TSEN15: variants seen among roughly 807,000 people sequenced by gnomAD.
TSEN15 encodes tRNA-splicing endonuclease subunit Sen15.
TSEN15 carries 10 observed loss-of-function variants against 20.5 expected under a neutral mutation model. The ratio of observed to expected loss-of-function variants is 0.49; its 90% CI spans 0.30 to 0.83. The LOEUF (loss-of-function observed/expected upper bound fraction) is 0.83, where lower values mean the gene tolerates loss of function less well. Ranked by LOEUF, TSEN15 falls within the 40% of genes least tolerant of loss-of-function variation. TSEN15 has a pLI of 0.06. For missense variants in TSEN15, 180 were observed against 218.6 expected, an observed-to-expected ratio of 0.82 and a Z score of 1.11; for synonymous variants, 72 against 80.1, an observed-to-expected ratio of 0.90 and a Z score of 0.54.
chr1:184,071,070 T>A (rs1262861801), intron 3 of TSEN15: 1 of 152,244 alleles, frequency 6.6e-6, no homozygotes, highest in African/African-American at 2.4e-5. Context: ...CTTGACAGTT[T>A]ATGAAGTCTT....
chr1:184,094,039 G>A (rs1651404016), intron 3 of TSEN15: 1 of 152,056 alleles, frequency 6.6e-6, no homozygotes, highest in Non-Finnish European at 1.5e-5. Flanking sequence ...AAACTCATCT[G>A]GTTTCCAGAG....
chr1:184,072,055 G>T, intron 3 of TSEN15, 102 bp from the exon 4 acceptor site: 8 of 1,173,154 alleles, frequency 6.8e-6, no homozygotes, highest in Middle Eastern at 2.1e-4. Context: ...CTTCAGTTTG[G>T]TTTCTTGTGA....
chr1:184,089,881 C>T (rs1651327654), intron 3 of TSEN15, among the ~76,000 whole-genome samples: 1 of 152,098 alleles, frequency 6.6e-6, no homozygotes, highest in South Asian at 2.1e-4. Flanking sequence ...TCATGCTCCC[C>T]AGTCCTCCAC....
intron 3 of TSEN15, among the ~76,000 whole-genome samples, chr1:184,066,554 T>G (rs1650669470): frequency 6.6e-6 from 1 of 151,934 alleles, no homozygotes; most frequent in Non-Finnish European, 1.5e-5. Flanking sequence ...TACAGGCGCA[T>G]ACCACCACAC....
chr1:184,075,665 G>A (rs1215964195), downstream of TSEN15, among the ~76,000 whole-genome samples: 2 of 152,060 alleles, frequency 1.3e-5, no homozygotes. Flanking sequence ...ACTAAGAGTA[G>A]ATTAGCTGGA....
downstream of TSEN15, among the ~76,000 whole-genome samples, chr1:184,074,516 G>A (rs1291955380): frequency 2.6e-5 from 4 of 152,228 alleles, no homozygotes; most frequent in East Asian, 3.9e-4. Context: ...TCTTTGCCAC[G>A]TGGGCCTTCT....
chr1:184,077,861 T>C (rs1572719077), downstream of TSEN15, among the ~76,000 whole-genome samples: 1 of 152,210 alleles, frequency 6.6e-6, no homozygotes, highest in Non-Finnish European at 1.5e-5. Context: ...TTGTTTCTTA[T>C]GGATGAGCAA....
downstream of TSEN15, among the ~76,000 whole-genome samples, chr1:184,074,458 TGA>T (rs1651017420): frequency 6.6e-6 from 1 of 152,188 alleles, no homozygotes; most frequent in African/African-American, 2.4e-5. Flanking sequence ...TTCAATTTCT[TGA>T]GAGTGCTCAA....
At chr1:184,094,864 C>T (rs1033799895) in intron 3 of TSEN15, 3 of 395,088 alleles carry the variant, frequency 7.6e-6, no homozygotes, top group South Asian at 1.4e-4. Context: ...AGGTGGGTCA[C>T]CATCACTGAA....
intron 3 of TSEN15, among the ~76,000 whole-genome samples, chr1:184,057,020 T>A (rs1650273209): frequency 6.6e-6 from 1 of 152,162 alleles, no homozygotes; most frequent in Admixed American, 6.5e-5. Context: ...CCCTTGAGTG[T>A]GACCTGGACT....
intron 3 of TSEN15, among the ~76,000 whole-genome samples, chr1:184,065,234 C>T (rs1285153120): frequency 6.6e-6 from 1 of 151,918 alleles, no homozygotes; most frequent in African/African-American, 2.4e-5. Flanking sequence ...TTTAGATTTA[C>T]AGAAAAAATT....
At chr1:184,062,427 A>C (rs1409812) in intron 3 of TSEN15, among the ~76,000 whole-genome samples, 27,574 of 152,048 alleles carry the variant, frequency 0.18, 3,243 homozygotes, top group African/African-American at 0.31. Context: ...TTTAAAGATG[A>C]GACAACAAGA....
intron 3 of TSEN15, among the ~76,000 whole-genome samples, chr1:184,060,992 A>G (rs1650433427): frequency 6.6e-6 from 1 of 152,220 alleles, no homozygotes; most frequent in African/African-American, 2.4e-5. Flanking sequence ...GCCCCATCCC[A>G]ATCATAATCT....
chr1:184,083,436 T>C lies in TSEN15; in HGVS notation c.354-12254T>C, dbSNP rs138397430. 9.9e-3 allele frequency among the ~76,000 whole-genome samples: 1,516 copies of C among 152,362 alleles called. 33 individuals are homozygous for C. Among genetic ancestry groups the C allele is most frequent in the African/African-American group, 0.035 (1,454 of 41,578 alleles). ...TTACTTATTATTTGATTACACATCC[T>C]TTCCTATGCCAAACCTATGCATTTA... On this transcript the variant is annotated intron_variant, in intron 3 of 3. Transcript: ENST00000643231.
chr1:184,056,631 T>G (rs756142973), intron 3 of TSEN15, among the ~76,000 whole-genome samples: 2 of 152,176 alleles, frequency 1.3e-5, no homozygotes, highest in Non-Finnish European at 2.9e-5. Context: ...AATACTTATA[T>G]TTTCACTAAG....
intron 3 of TSEN15, among the ~76,000 whole-genome samples, chr1:184,066,352 C>A (rs571210592): frequency 6.6e-6 from 1 of 151,940 alleles, no homozygotes; most frequent in African/African-American, 2.4e-5. Context: ...ATTCCTTAAC[C>A]AATACCACAT....
rs904307997 is a variant in TSEN15 at position 184,072,668 on chromosome 1, T to C, written c.496-159T>C. ...AAGAAATGTTAAATTGGTTGACATT[T>C]TGACAGGAACATTTTAATAAGATAA... is the stretch of plus-strand genomic sequence containing the variant. On this transcript the variant is annotated intron_variant, in intron 4 of 4. Coordinates refer to ENST00000645668, the MANE Select transcript of TSEN15 (RefSeq NM_052965.4). The C allele has an allele frequency of 4.4e-6, 3 of 679,626 alleles. No homozygotes were observed. The African/African-American group carries it at 5.6e-5, about 13-fold the overall frequency. The allele number at this position is 679,626 out of a possible 1,614,324, so 42.1% of individuals were successfully genotyped here. A position where few individuals can be genotyped will look rare whatever the true frequency, so the allele number is the denominator to read the frequency against.
At chr1:184,074,618 C>T (rs1183627728), downstream of TSEN15, among the ~76,000 whole-genome samples, 1 of 152,146 alleles carries the variant, frequency 6.6e-6, no homozygotes, top group African/African-American at 2.4e-5. Context: ...ACATACATCC[C>T]ATCACCTTTG....
chr1:184,078,286 G>GT (rs1356634461), downstream of TSEN15, among the ~76,000 whole-genome samples: 1 of 152,046 alleles, frequency 6.6e-6, no homozygotes, highest in East Asian at 1.9e-4. Context: ...TGTGTGCATT[G>GT]TTTTTTAGAC....
Sources: allele counts gnomAD v4.1 joint callset (sites outside exome capture counted in the v4.1 genomes callset), GRCh38; gene constraint gnomAD v4.1.1; transcripts MANE v1.5; gene names NCBI Gene and HGNC (gene_info 2026-07-23, HGNC 2026-07-21).